The following GINS2 variants were observed in gnomAD, a reference collection of about 807,000 sequenced individuals.
GINS2 encodes the protein GINS complex subunit 2.
In GINS2, 23 loss-of-function variants were observed where a neutral mutation model predicts 21.2. The ratio of observed to expected loss-of-function variants is 1.08; its 90% CI spans 0.78 to 1.53. The LOEUF (loss-of-function observed/expected upper bound fraction) is 1.53, where lower values mean the gene tolerates loss of function less well. GINS2 is among the 40% of genes most tolerant of loss of function. The pLI is 0.00. For missense variants in GINS2, 323 were observed against 233.9 expected (o/e 1.38, Z -2.49); for synonymous variants, 118 against 85.6 (o/e 1.38, Z -2.09).
intron 2 of GINS2, among the ~76,000 whole-genome samples, chr16:85,685,685 A>AAAAAAAAAAAAACAAAAAAAAC (rs56405044): frequency 1.7e-5 from 2 of 120,900 alleles, no homozygotes; most frequent in Non-Finnish European, 3.9e-5. Context: ...AAAAAAAAAA[A>AAAAAAAAAAAAACAAAAAAAAC]AAAAAACCGT....
chr16:85,686,450 G>C (rs1056630860), intron 2 of GINS2, among the ~76,000 whole-genome samples: 1 of 151,688 alleles, frequency 6.6e-6, no homozygotes, highest in Non-Finnish European at 1.5e-5. Flanking sequence ...AGTTTTAGTA[G>C]CACTTGTGGG....
chr16:85,688,940 G>T lies in GINS2; in HGVS notation c.-42C>A. 4 of 1,399,488 alleles carry T rather than the reference G, an allele frequency of 2.9e-6. No homozygotes were observed. The highest frequency in any genetic ancestry group is 2.9e-6 in the Non-Finnish European group (3 of 1,028,932). 86.7% of individuals were successfully genotyped at this position (1,399,488 alleles called of 1,614,324 possible). A position where few individuals can be genotyped will look rare whatever the true frequency, so the allele number is the denominator to read the frequency against. On this transcript the variant is annotated 5_prime_UTR_variant, in exon 1 of 5. Coordinates refer to ENST00000253462, the MANE Select transcript of GINS2 (RefSeq NM_016095.3). ...GGCCAGAGCCTCACGGTCTCCTCGG[G>T]CCCCTCAGCGTCCCGGAGGAGACGC...
intron 3 of GINS2, among the ~76,000 whole-genome samples, chr16:85,680,384 T>C (rs2053721431): frequency 6.6e-6 from 1 of 152,244 alleles, no homozygotes; most frequent in Non-Finnish European, 1.5e-5. Context: ...GTCACAATTT[T>C]TTATTCTAGT....
chr16:85,681,581 C>G lies in GINS2; in HGVS notation c.305+1G>C, dbSNP rs773084866. 6.3e-7 allele frequency: 1 copy of G among 1,575,114 alleles called. No homozygotes were observed. Among genetic ancestry groups the G allele is most frequent in the South Asian group, 1.1e-5 (1 of 90,124 alleles). ...GCCTCTAAGAGGTGAGATCTACTTACTGATTTAACAGGAGCTTCGTAAGTT... is the reference window on the plus strand; with the variant it reads ...GCCTCTAAGAGGTGAGATCTACTTAGTGATTTAACAGGAGCTTCGTAAGTT... On this transcript the variant is annotated splice_donor_variant, in intron 3 of 4. Coordinates refer to ENST00000253462, the MANE Select transcript of GINS2 (RefSeq NM_016095.3). LOFTEE classifies it high-confidence loss of function.
chr16:85,678,836 G>A (rs548344759), intron 3 of GINS2, among the ~76,000 whole-genome samples, 170 bp from the exon 4 acceptor site: 1 of 152,298 alleles, frequency 6.6e-6, no homozygotes, highest in East Asian at 1.9e-4. Flanking sequence ...TAAGCTTGGT[G>A]CGGCAGTGAT....
At chr16:85,683,406 T>A (rs533237477) in intron 2 of GINS2, among the ~76,000 whole-genome samples, 33 of 152,092 alleles carry the variant, frequency 2.2e-4, no homozygotes, top group African/African-American at 7.7e-4. Context: ...GAGCTCTAAC[T>A]CCTAACTCAA....
In GINS2 at chr16:85,687,493, A is replaced by G; in HGVS notation, c.172T>C (p.Cys58Arg). 1 of 1,593,036 alleles carries G rather than the reference A, an allele frequency of 6.3e-7. No homozygotes were observed. Among genetic ancestry groups the G allele is most frequent in the Non-Finnish European group, 8.5e-7 (1 of 1,171,652 alleles). ...LAINLKQRQK[C>R]RLLPPEWMDV... ...ATCCACTCTGGAGGGAGCAGGCGACATTTCTGTCTTTGTTTCAGGTTAATC... is the reference window on the plus strand; with the variant it reads ...ATCCACTCTGGAGGGAGCAGGCGACGTTTCTGTCTTTGTTTCAGGTTAATC... The change falls in exon 2 of 5, where the codon TGT becomes CGT. Residue 58 changes from cysteine (C) to arginine (R), a missense_variant. By Grantham distance (180) the Cys-to-Arg change is radical. Transcript: ENST00000253462.
intron 3 of GINS2, among the ~76,000 whole-genome samples, chr16:85,680,062 C>A (rs1195385278): frequency 1.3e-5 from 2 of 152,222 alleles, no homozygotes; most frequent in Non-Finnish European, 2.9e-5. Context: ...TCTGGCACCA[C>A]CTGGCCTTAC....
intron 2 of GINS2, 71 bp downstream of exon 2, chr16:85,687,388 AC>A: frequency 1.2e-6 from 1 of 816,734 alleles, no homozygotes. Flanking sequence ...CCATGCCTCC[AC>A]CCCGTGGGAG....
intron 2 of GINS2, among the ~76,000 whole-genome samples, chr16:85,683,714 T>C (rs1598761238): frequency 1.3e-5 from 2 of 152,256 alleles, no homozygotes; most frequent in Admixed American, 6.5e-5. Flanking sequence ...AGTGCTTGCC[T>C]GGATTCATTC....
chr16:85,688,540 C>T (rs1234995683), intron 1 of GINS2, among the ~76,000 whole-genome samples: 1 of 152,190 alleles, frequency 6.6e-6, no homozygotes, highest in African/African-American at 2.4e-5. Context: ...AGTGACACTC[C>T]ACCTCAAAAA....
chr16:85,683,610 G>T (rs2053751873), intron 2 of GINS2, among the ~76,000 whole-genome samples: 1 of 152,126 alleles, frequency 6.6e-6, no homozygotes, highest in Non-Finnish European at 1.5e-5. Flanking sequence ...CACACCCCAT[G>T]GCCAGTCCTT....
chr16:85,688,941 C>T lies in GINS2; in HGVS notation c.-43G>A. 2 of 1,397,514 alleles carry T rather than the reference C, an allele frequency of 1.4e-6. No individual in the cohort carries two copies. The highest frequency in any genetic ancestry group is 1.9e-6 in the Non-Finnish European group (2 of 1,026,742). 86.6% of individuals were successfully genotyped at this position (1,397,514 alleles called of 1,614,324 possible). On this transcript the variant is annotated 5_prime_UTR_variant, in exon 1 of 5. Coordinates refer to ENST00000253462, the MANE Select transcript of GINS2 (RefSeq NM_016095.3). ...GCCAGAGCCTCACGGTCTCCTCGGGCCCCTCAGCGTCCCGGAGGAGACGCC... is the reference window on the plus strand; with the variant it reads ...GCCAGAGCCTCACGGTCTCCTCGGGTCCCTCAGCGTCCCGGAGGAGACGCC...
chr16:85,687,451 C>G lies in GINS2; in HGVS notation c.205+9G>C, dbSNP rs369046366. The G allele has an allele frequency of 2.0e-6, 3 of 1,491,356 alleles. No individual in the cohort carries two copies. The highest frequency in any genetic ancestry group is 2.7e-6 in the Non-Finnish European group (3 of 1,110,268). 92.4% of individuals were successfully genotyped at this position (1,491,356 alleles called of 1,614,324 possible). ...CCCACGCATCAACCAGTCTCCACCACATCCTTACCTACATCCATCCACTCT... is the reference window on the plus strand; with the variant it reads ...CCCACGCATCAACCAGTCTCCACCAGATCCTTACCTACATCCATCCACTCT... On this transcript the variant is annotated intron_variant, in intron 2 of 4. Coordinates refer to ENST00000253462, the MANE Select transcript of GINS2 (RefSeq NM_016095.3).
At chr16:85,688,337 G>A (rs1401708139) in intron 1 of GINS2, among the ~76,000 whole-genome samples, 4 of 152,164 alleles carry the variant, frequency 2.6e-5, no homozygotes, top group Admixed American at 2.0e-4. Flanking sequence ...CATGAGGTCA[G>A]GAGTTCGAGA....
rs780894504 is a variant in GINS2 at position 85,688,906 on chromosome 16, C to G, written c.-8G>C. 12 of 1,532,238 alleles carry G rather than the reference C, an allele frequency of 7.8e-6. No individual in the cohort carries two copies. The South Asian group carries it at 1.5e-4, about 19-fold the overall frequency. 94.9% of individuals were successfully genotyped at this position (1,532,238 alleles called of 1,614,324 possible). ...GACCTCGGCAGCGTCCATGGCGGCG[C>G]GAGCTGCAGGCCAGAGCCTCACGGT... On this transcript the variant is annotated 5_prime_UTR_variant, in exon 1 of 5. Coordinates refer to ENST00000253462, the MANE Select transcript of GINS2 (RefSeq NM_016095.3).
Position 85,687,562 on chromosome 16 carries a change from G to C in GINS2, c.103C>G (p.Pro35Ala). The C allele has an allele frequency of 1.3e-6, 2 of 1,558,606 alleles. No homozygotes were observed. The highest frequency in any genetic ancestry group is 1.7e-6 in the Non-Finnish European group (2 of 1,158,170). Residue 35 changes from proline (P) to alanine (A), a missense_variant, in exon 2 of 5, where the codon CCT becomes GCT. Physicochemically the swap from Pro to Ala is conservative, Grantham distance 27. Transcript: ENST00000253462. Reference protein sequence around the residue: ...KIYLIGGDLGPFNPGLPVEVP... With the variant: ...KIYLIGGDLGAFNPGLPVEVP... Reference sequence around the variant, plus strand: ...TCCACGGGTAAACCAGGGTTAAAAGGCCCCAGGTCCCCCTGCCAAAAGTAA... The same window carrying C: ...TCCACGGGTAAACCAGGGTTAAAAGCCCCCAGGTCCCCCTGCCAAAAGTAA...
chr16:85,677,181 T>A lies in GINS2; in HGVS notation c.*1031A>T, dbSNP rs1400851022. 1 of 152,130 alleles carries A rather than the reference T, an allele frequency of 6.6e-6. No individual in the cohort carries two copies. Among genetic ancestry groups the A allele is most frequent in the Non-Finnish European group, 1.5e-5 (1 of 68,026 alleles). 9.4% of individuals were successfully genotyped at this position (152,130 alleles called of 1,614,324 possible). On this transcript the variant is annotated 3_prime_UTR_variant, in exon 5 of 5. Transcript: ENST00000253462. ...CCAAGCCAATGTGCCCGGCCAAAAA[T>A]TAAAGTTTTTTTTAAAGCTGATTAC...
chr16:85,686,019 T>C (rs1437686630), intron 2 of GINS2, among the ~76,000 whole-genome samples: 2 of 152,004 alleles, frequency 1.3e-5, no homozygotes, highest in African/African-American at 2.4e-5. Context: ...AGATTTTTTT[T>C]CCCTATAATA....
Sources: allele counts gnomAD v4.1 joint callset (sites outside exome capture counted in the v4.1 genomes callset), GRCh38; gene constraint gnomAD v4.1.1; transcripts MANE v1.5; gene names NCBI Gene and HGNC (gene_info 2026-07-23, HGNC 2026-07-21).